Variants in ERBB4 observed in about 807,000 individuals in gnomAD.
ERBB4 encodes erb-b2 receptor tyrosine kinase 4.
In ERBB4, 42 loss-of-function variants were observed where a neutral mutation model predicts 158.0. The ratio of observed to expected loss-of-function variants is 0.27; its 90% confidence interval spans 0.21 to 0.34. The LOEUF (loss-of-function observed/expected upper bound fraction) is 0.34. Among genes scored for constraint, ERBB4 ranks in the 10% least tolerant of loss-of-function variants. The pLI is 1.00. For synonymous variants in ERBB4, 583 were observed against 558.7 expected (o/e 1.04, Z -0.61); for missense variants, 1,333 against 1,624.1 (o/e 0.82, Z 3.08).
chr2:211,995,660 CA>C (rs1292710297), intron 2 of ERBB4, among the ~76,000 whole-genome samples: 2 of 152,132 alleles, frequency 1.3e-5, no homozygotes, highest in Non-Finnish European at 2.9e-5. Context: ...TCGTGCTTTT[CA>C]TAGGCTCTTG....
intron 5 of ERBB4, among the ~76,000 whole-genome samples, chr2:211,725,583 T>C (rs2074241987): frequency 1.3e-5 from 2 of 152,084 alleles, no homozygotes; most frequent in Admixed American, 6.6e-5. Flanking sequence ...GAATAGTCAC[T>C]GCACTCCAGC....
chr2:212,292,164 T>G (rs1210226761), intron 1 of ERBB4, among the ~76,000 whole-genome samples: 1 of 152,012 alleles, frequency 6.6e-6, no homozygotes, highest in African/African-American at 2.4e-5. Context: ...CTCTTCTGAC[T>G]TCTACTTATG....
intron 20 of ERBB4, among the ~76,000 whole-genome samples, chr2:211,553,096 G>A (rs1350311438): frequency 4.0e-5 from 6 of 151,818 alleles, no homozygotes; most frequent in Non-Finnish European, 8.8e-5. Flanking sequence ...GACCTCCTGA[G>A]TAGCTGGGAT....
chr2:211,883,847 G>C (rs919448433), intron 3 of ERBB4, among the ~76,000 whole-genome samples: 5 of 152,100 alleles, frequency 3.3e-5, no homozygotes, highest in Non-Finnish European at 7.4e-5. Context: ...AAGATTTTGA[G>C]AAATAATTTC....
At chr2:212,326,097 C>A (rs960542170) in intron 1 of ERBB4, among the ~76,000 whole-genome samples, 1 of 150,408 alleles carries the variant, frequency 6.6e-6, no homozygotes, top group Non-Finnish European at 1.5e-5. Context: ...GACTGTGGAC[C>A]CCAAATTGGG....
At chr2:211,521,476 C>T (rs1178989905) in intron 20 of ERBB4, among the ~76,000 whole-genome samples, 1 of 152,142 alleles carries the variant, frequency 6.6e-6, no homozygotes, top group Non-Finnish European at 1.5e-5. Flanking sequence ...GGAAAGAAGG[C>T]ATCTCCATAA....
chr2:212,180,709 G>C (rs937541005), intron 1 of ERBB4, among the ~76,000 whole-genome samples: 2 of 151,644 alleles, frequency 1.3e-5, no homozygotes, highest in South Asian at 2.1e-4. Context: ...AAACAGTGCA[G>C]ATTTATTATT....
chr2:211,830,427 G>C (rs573130187), intron 3 of ERBB4, among the ~76,000 whole-genome samples: 1 of 152,094 alleles, frequency 6.6e-6, no homozygotes, highest in Non-Finnish European at 1.5e-5. Flanking sequence ...TCTTTATAAT[G>C]ATTCCCTTTT....
At chr2:212,340,168 T>C (rs2088637069) in intron 1 of ERBB4, among the ~76,000 whole-genome samples, 1 of 151,986 alleles carries the variant, frequency 6.6e-6, no homozygotes, top group Non-Finnish European at 1.5e-5. Flanking sequence ...CCCAAAGTGC[T>C]GGTATTATAG....
intron 3 of ERBB4, among the ~76,000 whole-genome samples, chr2:211,901,130 T>C (rs547383421): frequency 4.9e-4 from 74 of 152,294 alleles, no homozygotes; most frequent in Non-Finnish European, 8.4e-4. Context: ...AATGAGAGCA[T>C]AGGCTTCTCT....
chr2:211,798,052 A>G (rs2076419020), intron 3 of ERBB4, among the ~76,000 whole-genome samples: 1 of 152,062 alleles, frequency 6.6e-6, no homozygotes, highest in African/African-American at 2.4e-5. Flanking sequence ...ATATACATGT[A>G]TACAATATTT....
chr2:211,996,265 AT>A (rs1001972996), intron 2 of ERBB4, among the ~76,000 whole-genome samples: 44 of 148,696 alleles, frequency 3.0e-4, no homozygotes, highest in East Asian at 5.9e-4. Context: ...AATTTGGTTT[AT>A]TTTTTTTTTC....
chr2:211,990,521 TAAAAATAA>T (rs1395868241), intron 2 of ERBB4, among the ~76,000 whole-genome samples: 9 of 113,238 alleles, frequency 7.9e-5, no homozygotes, highest in South Asian at 7.7e-4. Flanking sequence ...AAAATAAAAA[TAAAAATAA>T]ATAAATAAAT....
At chr2:212,169,017 G>T (rs895658077) in intron 1 of ERBB4, among the ~76,000 whole-genome samples, 7 of 152,134 alleles carry the variant, frequency 4.6e-5, no homozygotes, top group African/African-American at 1.7e-4. Flanking sequence ...AAATTCTGAT[G>T]CTATTCAGTG....
At chr2:211,768,974 T>C (rs2106260611) in intron 4 of ERBB4, among the ~76,000 whole-genome samples, 1 of 152,352 alleles carries the variant, frequency 6.6e-6, no homozygotes, top group African/African-American at 2.4e-5. Flanking sequence ...CTCTGCTTCC[T>C]TTTTAAACAT....
intron 4 of ERBB4, among the ~76,000 whole-genome samples, chr2:211,775,406 A>G (rs532750742): frequency 4.5e-4 from 68 of 152,308 alleles, no homozygotes; most frequent in African/African-American, 1.5e-3. Context: ...CCCTTACTGT[A>G]CTATGTCTAT....
intron 16 of ERBB4, among the ~76,000 whole-genome samples, chr2:211,644,644 T>A (rs911017680): frequency 1.3e-5 from 2 of 152,030 alleles, no homozygotes; most frequent in African/African-American, 4.8e-5. Context: ...GTTCTTTACT[T>A]TTTATTATTA....
intron 12 of ERBB4, among the ~76,000 whole-genome samples, chr2:211,699,447 A>C (rs542626086): frequency 1.3e-5 from 2 of 152,300 alleles, no homozygotes; most frequent in South Asian, 4.1e-4. Context: ...AAACATCAGC[A>C]GCATCTCTGA....
rs575722840 is a variant in ERBB4 at position 212,320,225 on chromosome 2, T to C, written c.83-195322A>G. ...TCTACCAGGCAGATTTACGCAGTCA[T>C]ACTTTTATTTTTTTCCTGTGGCTGC... is the stretch of plus-strand genomic sequence containing the variant. On this transcript the variant is annotated intron_variant, in intron 1 of 27. Coordinates refer to ENST00000342788, the MANE Select transcript of ERBB4 (RefSeq NM_005235.3). Among the ~76,000 whole-genome samples, 4 of 76,148 alleles carry C rather than the reference T, an allele frequency of 5.3e-5. No individual in the cohort carries two copies. The East Asian group carries it at 1.4e-3, about 27-fold the overall frequency. The allele number at this position is 76,148 out of a possible 152,430, so 50.0% of individuals were successfully genotyped here. A position where few individuals can be genotyped will look rare whatever the true frequency, so the allele number is the denominator to read the frequency against.
Sources: allele counts gnomAD v4.1 joint callset (sites outside exome capture counted in the v4.1 genomes callset), GRCh38; gene constraint gnomAD v4.1.1; transcripts MANE v1.5; gene names NCBI Gene and HGNC (gene_info 2026-07-23, HGNC 2026-07-21).